JAK2: variants seen among roughly 807,000 people sequenced by gnomAD.
JAK2 encodes the protein Janus kinase 2, also known as tyrosine-protein kinase JAK2.
JAK2 carries 86 observed loss-of-function variants against 139.3 expected under a neutral mutation model. The ratio of observed to expected loss-of-function variants is 0.62; its 90% confidence interval spans 0.52 to 0.74. JAK2 has a LOEUF of 0.74. JAK2 is among the 30% of genes least tolerant of loss of function. JAK2 has a pLI of 0.00. For missense variants in JAK2, 1,421 were observed against 1,360.3 expected (o/e 1.04, Z -0.70); for synonymous variants, 490 against 437.7 (o/e 1.12, Z -1.49).
At chr9:5,007,512 G>A (rs539532209) in intron 2 of JAK2, among the ~76,000 whole-genome samples, 4 of 152,028 alleles carry the variant, frequency 2.6e-5, no homozygotes, top group East Asian at 1.9e-4. Context: ...CAATGCATAC[G>A]TGAGTTTTTT....
chr9:5,000,776 T>C (rs1820881979), intron 2 of JAK2, among the ~76,000 whole-genome samples: 1 of 152,226 alleles, frequency 6.6e-6, no homozygotes. Context: ...TTGTTTGATA[T>C]ATTTGTATAT....
chr9:5,010,860 T>C (rs1356385561), intron 2 of JAK2, among the ~76,000 whole-genome samples: 4 of 152,202 alleles, frequency 2.6e-5, no homozygotes, highest in Admixed American at 6.5e-5. Context: ...AAAATTCTTA[T>C]TTTTTATAAT....
At chr9:5,084,942 C>G (rs1819964147) in intron 19 of JAK2, 3 of 624,842 alleles carry the variant, frequency 4.8e-6, no homozygotes, top group South Asian at 2.8e-5. Flanking sequence ...GTGTATTCCA[C>G]AAAATTCTTA....
chr9:5,020,775 G>A lies in JAK2; in HGVS notation c.-25-1188G>A, dbSNP rs549000508. On this transcript the variant is annotated intron_variant, in intron 2 of 24. Coordinates refer to ENST00000381652, the MANE Select transcript of JAK2 (RefSeq NM_004972.4). ...GTTATTGCCAATGGCTTGTGCTTTG[G>A]TCCCAGAGGCGGCAGCCAGCAATGG... is the stretch of plus-strand genomic sequence containing the variant. 1.4e-4 allele frequency among the ~76,000 whole-genome samples: 22 copies of A among 152,222 alleles called. 1 individual carries two copies. The South Asian group carries it at 4.4e-3, about 30-fold the overall frequency.
intron 2 of JAK2, among the ~76,000 whole-genome samples, chr9:5,014,542 G>A (rs1182573927): frequency 6.6e-6 from 1 of 152,166 alleles, no homozygotes; most frequent in Middle Eastern, 3.2e-3. Flanking sequence ...TATCAGAACA[G>A]CTGTGGCCAC....
chr9:5,092,990 G>A (rs528353358), intron 22 of JAK2, among the ~76,000 whole-genome samples: 2 of 152,140 alleles, frequency 1.3e-5, no homozygotes, highest in East Asian at 3.8e-4. Context: ...AATTAAGAAA[G>A]TGTTCAAGCT....
At chr9:5,064,791 T>C (rs1818450313) in intron 8 of JAK2, 92 bp from the exon 9 acceptor site, 5 of 923,156 alleles carry the variant, frequency 5.4e-6, no homozygotes, top group Middle Eastern at 3.5e-4. Context: ...TAGAAGAAAA[T>C]TGTATTTAAC....
chr9:5,016,584 A>G (rs898055487), intron 2 of JAK2, among the ~76,000 whole-genome samples: 8 of 152,250 alleles, frequency 5.3e-5, no homozygotes, highest in African/African-American at 1.9e-4. Context: ...TAACACACAA[A>G]CAGGAAAGTA....
intron 19 of JAK2, chr9:5,084,963 G>C: frequency 1.4e-6 from 1 of 718,912 alleles, no homozygotes; most frequent in East Asian, 4.2e-5. Context: ...GGCACAGTCT[G>C]AGATAGCTGC....
In JAK2 at chr9:5,060,093, C is replaced by CTT. The variant is rs1271536690; in HGVS notation, c.1056+4305_1056+4306insTT. Among the ~76,000 whole-genome samples, 5 of 152,156 alleles carry CTT rather than the reference C, an allele frequency of 3.3e-5. No individual in the cohort carries two copies. The East Asian group carries it at 9.6e-4, about 29-fold the overall frequency. On this transcript the variant is annotated intron_variant, in intron 8 of 24. Transcript: ENST00000381652. Reference sequence around the variant, plus strand: ...ATAAAAGTTATGTTTACACTATAATCAAGTCTACTAAGTGTGCAACAGCAT... The same window carrying CTT: ...ATAAAAGTTATGTTTACACTATAATCTTAAGTCTACTAAGTGTGCAACAGCAT...
chr9:5,012,079 C>T (rs1821740913), intron 2 of JAK2, among the ~76,000 whole-genome samples: 1 of 152,224 alleles, frequency 6.6e-6, no homozygotes. Flanking sequence ...TCAGGCCCCA[C>T]TGACTCCCAT....
intron 22 of JAK2, among the ~76,000 whole-genome samples, chr9:5,122,738 T>C (rs181736088): frequency 4.6e-5 from 7 of 152,068 alleles, no homozygotes; most frequent in Non-Finnish European, 8.8e-5. Context: ...AGAAGAAAAG[T>C]AGATGTCAGC....
chr9:5,012,841 A>G (rs1821788705), intron 2 of JAK2, among the ~76,000 whole-genome samples: 1 of 152,166 alleles, frequency 6.6e-6, no homozygotes, highest in Non-Finnish European at 1.5e-5. Context: ...TTTTAGTCTA[A>G]ACATTCGTAA....
chr9:5,121,573 G>C (rs1226786034), intron 22 of JAK2, among the ~76,000 whole-genome samples: 1 of 152,160 alleles, frequency 6.6e-6, no homozygotes, highest in East Asian at 1.9e-4. Context: ...CTTGATGACT[G>C]AATTCCCAAG....
chr9:5,066,672 C>T lies in JAK2; in HGVS notation c.1215-6C>T, dbSNP rs750168857. 6.6e-7 allele frequency: 1 copy of T among 1,524,624 alleles called. No individual in the cohort carries two copies. The highest frequency in any genetic ancestry group is 9.1e-7 in the Non-Finnish European group (1 of 1,099,516). The allele number at this position is 1,524,624 out of a possible 1,614,324, so 94.4% of individuals were successfully genotyped here. Reference sequence around the variant, plus strand: ...ATTATTCAAATTGCTTCTTCTTTACCTTTAGGATGGATTTTGCCATTAGTA... The same window carrying T: ...ATTATTCAAATTGCTTCTTCTTTACTTTTAGGATGGATTTTGCCATTAGTA... On this transcript the variant is annotated splice_polypyrimidine_tract_variant and splice_region_variant and intron_variant, in intron 9 of 24. Transcript: ENST00000381652.
intron 2 of JAK2, among the ~76,000 whole-genome samples, chr9:5,006,287 T>C (rs1821296094): frequency 6.6e-6 from 1 of 152,224 alleles, no homozygotes; most frequent in African/African-American, 2.4e-5. Context: ...ATGATTTGGC[T>C]CTCTGTGTGT....
chr9:5,081,697 A>T, intron 18 of JAK2, 28 bp from the exon 19 acceptor site: 5 of 1,510,708 alleles, frequency 3.3e-6, no homozygotes, highest in Non-Finnish European at 4.6e-6. Flanking sequence ...TTGCTAATTT[A>T]AGGTGATAAT....
chr9:5,086,871 C>T (rs942209982), intron 19 of JAK2, among the ~76,000 whole-genome samples: 6 of 152,158 alleles, frequency 3.9e-5, no homozygotes, highest in Non-Finnish European at 5.9e-5. Flanking sequence ...TTGTATCAAG[C>T]GCGTTTAAAT....
At chr9:5,085,258 T>C in intron 19 of JAK2, 1 of 682,030 alleles carries the variant, frequency 1.5e-6, no homozygotes, top group Non-Finnish European at 2.8e-6. Context: ...TAACCTGAGA[T>C]TCACATCAGC....
Sources: gnomAD v4.1 joint callset for allele counts (sites outside exome capture counted in the v4.1 genomes callset) on GRCh38, gnomAD v4.1.1 for gene constraint, MANE v1.5 for transcripts, NCBI Gene and HGNC (gene_info 2026-07-23, HGNC 2026-07-21) for gene names.